WNT4: variants seen among roughly 807,000 people sequenced by gnomAD.
WNT4 encodes Wnt family member 4, also known as protein Wnt-4.
In WNT4, 16 loss-of-function variants were observed where a neutral mutation model predicts 34.5. The ratio of observed to expected loss-of-function variants is 0.46; its 90% CI spans 0.31 to 0.70. The LOEUF is 0.70. Ranked by LOEUF, WNT4 falls within the 30% of genes least tolerant of loss-of-function variation. WNT4 has a pLI of 0.04. For synonymous variants in WNT4, 200 were observed against 211.9 expected (o/e 0.94, Z 0.49); for missense variants, 379 against 495.9 (o/e 0.76, Z 2.24).
In WNT4 at chr1:22,136,599, A is replaced by G. The variant is rs2865175; in HGVS notation, c.77+6247T>C. Among the ~76,000 whole-genome samples, 1,303 of 152,244 alleles carry G rather than the reference A, an allele frequency of 8.6e-3. 13 individuals carry two copies. The highest frequency in any genetic ancestry group is 0.045 in the East Asian group (231 of 5,164). Reference sequence around the variant, plus strand: ...AGGGTGGGGCTCATCCCCCCAGCAGAGAATAACTGGCTGGGGGTACAGGGC... The same window carrying G: ...AGGGTGGGGCTCATCCCCCCAGCAGGGAATAACTGGCTGGGGGTACAGGGC... On this transcript the variant is annotated intron_variant, in intron 1 of 4. Transcript: ENST00000290167.
rs1557930337 is a variant in WNT4 at position 22,134,699 on chromosome 1, C to T, written c.78-4848G>A. Among the ~76,000 whole-genome samples the T allele has an allele frequency of 5.3e-5, 8 of 152,120 alleles. No individual in the cohort carries two copies. On this transcript the variant is annotated intron_variant, in intron 1 of 4. Transcript: ENST00000290167. The surrounding 1 kb of genome is among the most constrained non-coding windows in gnomAD (Gnocchi z 4.1). ...AATCTGTGTGCAGGAGATGCTCGTC[C>T]CTGCTGCAGCATTGTCCTAGCAGCA...
chr1:22,130,712 G>C (rs1645976750), intron 1 of WNT4, among the ~76,000 whole-genome samples: 1 of 152,242 alleles, frequency 6.6e-6, no homozygotes, highest in African/African-American at 2.4e-5. Context: ...TCTGAGTGGA[G>C]GAACTGCTAC....
Position 22,121,557 on chromosome 1 carries a change from GA to G in WNT4, c.332del (p.Phe111SerfsTer14). ...CACCTGCCGAAGAGATGGCGTACACGAAGGCCGCCTCCCGAGTCCCTGTGGG... is the reference window on the plus strand; with the variant it reads ...CACCTGCCGAAGAGATGGCGTACACGAGGCCGCCTCCCGAGTCCCTGTGGG... Reference protein sequence around the residue: ...VVTQGTREAAFVYAISSAGVA... With the variant: ...VVTQGTREAAXVYAISSAGVA... On this transcript the variant is annotated frameshift_variant, in exon 3 of 5. Transcript: ENST00000290167. LOFTEE classifies it high-confidence loss of function. 1 of 1,613,648 alleles carries G rather than the reference GA, an allele frequency of 6.2e-7. No homozygotes were observed. The highest frequency in any genetic ancestry group is 8.5e-7 in the Non-Finnish European group (1 of 1,180,024).
In WNT4 at chr1:22,120,433, G is replaced by A; in HGVS notation, c.673C>T (p.Pro225Ser). Residue 225 changes from proline to serine, a missense_variant, in exon 5 of 5, where the codon CCG becomes TCG. By Grantham distance (74) the Pro-to-Ser change is moderately conservative (BLOSUM62 -1). Around this residue, in one of 2 missense-constraint regions of WNT4, gnomAD observed 313 missense variants for 445.8 expected, o/e 0.70. Transcript: ENST00000290167. ...CEVKTCWRAV[P>S]PFRQVGHALK... ...GCGTGACCCACCTGGCGGAAGGGCG[G>A]CACGGCTCGCCAGCACGTCTTTACC... 1 of 1,613,654 alleles carries A rather than the reference G, an allele frequency of 6.2e-7. No homozygotes were observed. Among genetic ancestry groups the A allele is most frequent in the Non-Finnish European group, 8.5e-7 (1 of 1,179,816 alleles).
intron 1 of WNT4, among the ~76,000 whole-genome samples, chr1:22,133,843 A>G (rs576787049): frequency 6.6e-6 from 1 of 152,340 alleles, no homozygotes; most frequent in South Asian, 2.1e-4. Context: ...CCGTGCCTAC[A>G]GCCTGCGAGG....
intron 1 of WNT4, among the ~76,000 whole-genome samples, chr1:22,138,514 G>T (rs750577101): frequency 1.3e-5 from 2 of 152,108 alleles, no homozygotes; most frequent in Non-Finnish European, 2.9e-5. Flanking sequence ...TAAGTATCCC[G>T]CAATGCACAG....
rs1645873671 is a variant in WNT4 at position 22,119,201 on chromosome 1, T to TGC, written c.*848_*849insGC. 3 of 102,676 alleles carry TGC rather than the reference T, an allele frequency of 2.9e-5. No homozygotes were observed. The South Asian group carries it at 1.3e-3, about 44-fold the overall frequency. The allele number at this position is 102,676 out of a possible 1,614,324, so 6.4% of individuals were successfully genotyped here. ...GTGTGTGTGTCCGTGTGTGTGTGTG[T>TGC]GTGTGTGTGTGTGTGTGTGTGTGTG... is the stretch of plus-strand genomic sequence containing the variant. On this transcript the variant is annotated 3_prime_UTR_variant, in exon 5 of 5. Coordinates refer to ENST00000290167, the MANE Select transcript of WNT4 (RefSeq NM_030761.5).
chr1:22,141,684 A>G (rs1008037090), intron 1 of WNT4, among the ~76,000 whole-genome samples: 4 of 152,170 alleles, frequency 2.6e-5, no homozygotes, highest in East Asian at 1.9e-4. Context: ...TCTGACCCCA[A>G]CGAACACACT....
At chr1:22,125,698 G>T (rs1050559979) in intron 2 of WNT4, among the ~76,000 whole-genome samples, 4 of 152,122 alleles carry the variant, frequency 2.6e-5, no homozygotes, top group Admixed American at 2.0e-4. Flanking sequence ...GCTCAAGGTC[G>T]CAGAACGAGA....
Position 22,142,037 on chromosome 1 carries a change from C to T in WNT4, c.77+809G>A, listed in dbSNP as rs186738835. On this transcript the variant is annotated intron_variant, in intron 1 of 4. Coordinates refer to ENST00000290167, the MANE Select transcript of WNT4 (RefSeq NM_030761.5). This position sits in a 1 kb window ranked among gnomAD's most constrained non-coding sequence, Gnocchi z 6.0. Reference sequence around the variant, plus strand: ...GAGCGCGGGTCCGCTTGCTCCCTGTCCACCCACTCACTGGAGCTCATCCCT... The same window carrying T: ...GAGCGCGGGTCCGCTTGCTCCCTGTTCACCCACTCACTGGAGCTCATCCCT... Among the ~76,000 whole-genome samples the T allele has an allele frequency of 2.3e-3, 347 of 152,330 alleles. No homozygotes were observed. The highest frequency in any genetic ancestry group is 4.9e-3 in the Admixed American group (75 of 15,312).
At chr1:22,124,333 C>A (rs1645925216) in intron 2 of WNT4, among the ~76,000 whole-genome samples, 1 of 152,286 alleles carries the variant, frequency 6.6e-6, no homozygotes. Flanking sequence ...GCCATTTGCC[C>A]CTTCTCACAC....
Position 22,117,992 on chromosome 1 carries a change from G to T in WNT4, c.*2058C>A, listed in dbSNP as rs1295978520. 6.6e-6 allele frequency: 1 copy of T among 152,246 alleles called. No homozygotes were observed. The highest frequency in any genetic ancestry group is 1.9e-4 in the East Asian group (1 of 5,194). The allele number at this position is 152,246 out of a possible 1,614,324, so 9.4% of individuals were successfully genotyped here. ...ACCCAGCTGGGCAGCTGTGGCGACA[G>T]TTGGATCAGCTTTCATCCACATCAG... On this transcript the variant is annotated 3_prime_UTR_variant, in exon 5 of 5. Coordinates refer to ENST00000290167, the MANE Select transcript of WNT4 (RefSeq NM_030761.5).
rs369386711 is a variant in WNT4, at chr1:22,121,219, C to T, written c.580G>A (p.Gly194Ser). The T allele has an allele frequency of 1.2e-6, 2 of 1,614,028 alleles. No individual in the cohort carries two copies. Among genetic ancestry groups the T allele is most frequent in the South Asian group, 1.1e-5 (1 of 91,070 alleles). ...ALMNLHNNEA[G>S]RKAILTHMRV... ...GGGTAGTGCCACACTACCTTCCTGC[C>T]GGCCTCATTGTTGTGGAGGTTCATG... Residue 194 changes from glycine to serine, a missense_variant, in exon 4 of 5, where the codon GGC becomes AGC. Physicochemically the swap from Gly to Ser is moderately conservative, Grantham distance 56. Around this residue, in one of 2 missense-constraint regions of WNT4, gnomAD observed 313 missense variants for 445.8 expected, o/e 0.70. Coordinates refer to ENST00000290167, the MANE Select transcript of WNT4 (RefSeq NM_030761.5).
intron 1 of WNT4, among the ~76,000 whole-genome samples, chr1:22,135,002 G>A (rs1466369610): frequency 6.6e-6 from 1 of 152,182 alleles, no homozygotes; most frequent in Non-Finnish European, 1.5e-5. Context: ...AGAGTCTCCA[G>A]ATGAAGTCTG....
chr1:22,129,353 G>A (rs993294991), intron 2 of WNT4, among the ~76,000 whole-genome samples: 11 of 152,316 alleles, frequency 7.2e-5, no homozygotes, highest in South Asian at 2.1e-4. Context: ...GTGGAAACAC[G>A]GTGCTCTTTT....
intron 1 of WNT4, 69 bp from the exon 2 acceptor site, chr1:22,129,920 G>T: frequency 6.4e-7 from 1 of 1,563,846 alleles, no homozygotes; most frequent in Middle Eastern, 1.7e-4. Context: ...CCAGGCCTGA[G>T]CTCCAGCCCG....
intron 2 of WNT4, among the ~76,000 whole-genome samples, chr1:22,124,414 C>T (rs764744796): frequency 6.6e-6 from 1 of 152,198 alleles, no homozygotes; most frequent in African/African-American, 2.4e-5. Flanking sequence ...GGCCTAAATA[C>T]TGTGTGTCCT....
At chr1:22,127,297 G>A (rs764689419) in intron 2 of WNT4, 9 of 527,188 alleles carry the variant, frequency 1.7e-5, no homozygotes, top group South Asian at 1.3e-4. Flanking sequence ...AGCCGGTGTG[G>A]GTGCCCCCTT....
chr1:22,131,356 G>T (rs1277818293), intron 1 of WNT4, among the ~76,000 whole-genome samples: 1 of 152,252 alleles, frequency 6.6e-6, no homozygotes, highest in Non-Finnish European at 1.5e-5. Context: ...AGGTGGAGGT[G>T]CCTGGGCCCC....
Sources: gnomAD v4.1 joint callset for allele counts (sites outside exome capture counted in the v4.1 genomes callset) on GRCh38, gnomAD v4.1.1 for gene constraint, gnomAD v4.1.1 regional missense constraint, Gnocchi (gnomAD v3.1) non-coding constraint, MANE v1.5 for transcripts, NCBI Gene and HGNC (gene_info 2026-07-23, HGNC 2026-07-21) for gene names.